Variants in GALNT10 observed in about 807,000 individuals in gnomAD.
The protein encoded by GALNT10 is GalNAc transferase 10.
Under a neutral mutation model 75.0 loss-of-function variants are expected in GALNT10, and 41 were observed. The observed-to-expected ratio is 0.55, with a 90% CI of 0.43 to 0.71. The LOEUF (loss-of-function observed/expected upper bound fraction) is 0.71. Among genes scored for constraint, GALNT10 ranks in the 30% least tolerant of loss-of-function variants. The pLI, the probability that GALNT10 is intolerant of heterozygous loss-of-function variation, is 0.00. For missense variants in GALNT10, 727 were observed against 818.5 expected, an observed-to-expected ratio of 0.89 and a Z score of 1.36; for synonymous variants, 302 against 313.0, an observed-to-expected ratio of 0.96 and a Z score of 0.37.
chr5:154,192,692 T>G (rs2113636675), intron 1 of GALNT10, among the ~76,000 whole-genome samples: 1 of 152,332 alleles, frequency 6.6e-6, no homozygotes. Flanking sequence ...CAGAGTTCCT[T>G]GTAGCATCCC....
chr5:154,415,936 A>T lies in GALNT10; in HGVS notation c.1653+4A>T, dbSNP rs1429677661. The stretch of plus-strand genomic sequence containing the variant: ...CCAGCTGTGGAAATACCGCAAAGTA[A>T]GATGGGATGCGGGGGGAGCAGGGCA... On this transcript the variant is annotated splice_donor_region_variant and intron_variant, in intron 11 of 11. Transcript: ENST00000297107. 3.1e-6 allele frequency: 5 copies of T among 1,613,568 alleles called. No homozygotes were observed. The Admixed American group carries it at 5.0e-5, about 16-fold the overall frequency.
intron 1 of GALNT10, among the ~76,000 whole-genome samples, chr5:154,212,931 G>A (rs1752786135): frequency 6.7e-6 from 1 of 148,272 alleles, no homozygotes; most frequent in African/African-American, 2.5e-5. Context: ...TCGCGCCACT[G>A]CTCTCCAGCC....
intron 4 of GALNT10, among the ~76,000 whole-genome samples, chr5:154,359,671 G>A (rs1755352684): frequency 6.6e-6 from 1 of 151,604 alleles, no homozygotes; most frequent in Non-Finnish European, 1.5e-5. Flanking sequence ...CTTTGACAAG[G>A]GCCATCCTTT....
rs75158802 is a variant in GALNT10 at position 154,370,381 on chromosome 5, A to T, written c.569-5896A>T. ...TCTGAGCTGAGTGCCTTGAAGGATG[A>T]GTTCCAGGCCTTTGCAAGGGGCTGA... On this transcript the variant is annotated intron_variant, in intron 4 of 11. Coordinates refer to ENST00000297107, the MANE Select transcript of GALNT10 (RefSeq NM_198321.4). Among the ~76,000 whole-genome samples, 77 of 152,330 alleles carry T rather than the reference A, an allele frequency of 5.1e-4. 3 individuals carry two copies. In the East Asian group the frequency reaches 0.015, roughly 29 times the overall value.
chr5:154,252,195 T>C (rs1268894924), intron 1 of GALNT10, among the ~76,000 whole-genome samples: 3 of 152,140 alleles, frequency 2.0e-5, no homozygotes, highest in African/African-American at 4.8e-5. Flanking sequence ...GTTTCTATAG[T>C]TGTCCTGTAT....
chr5:154,211,885 G>A (rs967752048), intron 1 of GALNT10, among the ~76,000 whole-genome samples: 2 of 152,144 alleles, frequency 1.3e-5, no homozygotes, highest in Non-Finnish European at 2.9e-5. Context: ...AGAGCAAGCA[G>A]GAAGCCACAG....
intron 1 of GALNT10, among the ~76,000 whole-genome samples, chr5:154,223,784 G>A (rs141552461): frequency 1.0e-3 from 157 of 152,220 alleles, no homozygotes; most frequent in African/African-American, 3.7e-3. Flanking sequence ...ACTGGGCGTG[G>A]TGGTGCAGGC....
Position 154,402,961 on chromosome 5 carries a change from A to T in GALNT10, c.1057-1143A>T, listed in dbSNP as rs1289959605. ...GAGGCATCTACACAGGGGCACAAAT[A>T]CGAGGAGGCAGGGATTGTGAGGCCA... On this transcript the variant is annotated intron_variant, in intron 7 of 11. Transcript: ENST00000297107. This position sits in a 1 kb window ranked among gnomAD's most constrained non-coding sequence, Gnocchi z 4.2. 1.3e-5 allele frequency: 2 copies of T among 152,430 alleles called. No homozygotes were observed. Among genetic ancestry groups the T allele is most frequent in the African/African-American group, 4.8e-5 (2 of 41,462 alleles). 9.4% of individuals were successfully genotyped at this position (152,430 alleles called of 1,614,324 possible). A position where few individuals can be genotyped will look rare whatever the true frequency, so the allele number is the denominator to read the frequency against.
At chr5:154,385,254 G>A (rs914409523) in intron 6 of GALNT10, among the ~76,000 whole-genome samples, 14 of 152,182 alleles carry the variant, frequency 9.2e-5, no homozygotes, top group African/African-American at 3.4e-4. Flanking sequence ...GCCCCTACCA[G>A]GTGCCAGTCT....
chr5:154,406,696 C>T (rs1265904595), intron 8 of GALNT10, among the ~76,000 whole-genome samples: 1 of 152,136 alleles, frequency 6.6e-6, no homozygotes, highest in Admixed American at 6.5e-5. Flanking sequence ...ACTAGGGAGG[C>T]TGAGGCAGGA....
At chr5:154,258,488 T>C (rs1362449471) in intron 1 of GALNT10, among the ~76,000 whole-genome samples, 2 of 152,226 alleles carry the variant, frequency 1.3e-5, no homozygotes, top group East Asian at 3.8e-4. Context: ...AGTTCAAGGC[T>C]GTGTGACTTG....
chr5:154,256,001 G>A (rs1445581084), intron 1 of GALNT10, among the ~76,000 whole-genome samples: 2 of 152,098 alleles, frequency 1.3e-5, no homozygotes, highest in East Asian at 1.9e-4. Flanking sequence ...ACTCTCTTAA[G>A]TAACCATATA....
chr5:154,204,640 C>T lies in GALNT10; in HGVS notation c.159+13615C>T, dbSNP rs149269425. Among the ~76,000 whole-genome samples the T allele has an allele frequency of 4.8e-3, 732 of 152,256 alleles. 12 individuals are homozygous for T. The highest frequency in any genetic ancestry group is 0.017 in the African/African-American group (706 of 41,560). Reference sequence around the variant, plus strand: ...CTTCTGCAGGACCTTTGCATGTGGTCCTGCCTGTAATACTCTTCCCCAAGA... The same window carrying T: ...CTTCTGCAGGACCTTTGCATGTGGTTCTGCCTGTAATACTCTTCCCCAAGA... On this transcript the variant is annotated intron_variant, in intron 1 of 11. Coordinates refer to ENST00000297107, the MANE Select transcript of GALNT10 (RefSeq NM_198321.4).
At chr5:154,348,571 G>A (rs570256695) in intron 4 of GALNT10, among the ~76,000 whole-genome samples, 70 of 152,288 alleles carry the variant, frequency 4.6e-4, no homozygotes, top group Admixed American at 9.8e-4. Flanking sequence ...TTGTGGAGTA[G>A]AACATCCATT....
At chr5:154,284,005 CT>C (rs1272731028) in intron 1 of GALNT10, among the ~76,000 whole-genome samples, 1 of 152,192 alleles carries the variant, frequency 6.6e-6, no homozygotes, top group East Asian at 1.9e-4. Flanking sequence ...GTGATGTCTG[CT>C]TTTACCCTGG....
chr5:154,283,257 A>C (rs1754065163), intron 1 of GALNT10, among the ~76,000 whole-genome samples: 1 of 149,136 alleles, frequency 6.7e-6, no homozygotes, highest in Non-Finnish European at 1.5e-5. Flanking sequence ...CAACCTGGGC[A>C]ACATAATAAG....
chr5:154,229,512 A>G (rs930668638), intron 1 of GALNT10, among the ~76,000 whole-genome samples: 1 of 151,744 alleles, frequency 6.6e-6, no homozygotes, highest in African/African-American at 2.4e-5. Context: ...GTGGATCACG[A>G]GGTCAGGAGA....
intron 2 of GALNT10, 54 bp from the exon 3 acceptor site, chr5:154,297,887 A>G (rs1754304597): frequency 2.6e-6 from 4 of 1,528,880 alleles, no homozygotes; most frequent in South Asian, 2.3e-5. Flanking sequence ...TCCCCACTCC[A>G]TATACAGTAC....
chr5:154,412,965 G>T lies in GALNT10; in HGVS notation c.1463G>T (p.Cys488Phe). ...GGCTCCCCACTAAGGCTAGAGGGCT[G>T]CGTCCGAGGCCGTGGGGAGGCTGCC... ...ALGSPLRLEG[C>F]VRGRGEAAWN... The change falls in exon 10 of 12, where the codon TGC (cysteine) becomes TTC (phenylalanine). Residue 488 changes from cysteine (C) to phenylalanine (F), a missense_variant. By Grantham distance (205) the Cys-to-Phe change is radical (BLOSUM62 -2). Transcript: ENST00000297107. This position sits in a 1 kb window ranked among gnomAD's most constrained non-coding sequence, Gnocchi z 4.2. 1 of 1,613,392 alleles carries T rather than the reference G, an allele frequency of 6.2e-7. No homozygotes were observed. The highest frequency in any genetic ancestry group is 8.5e-7 in the Non-Finnish European group (1 of 1,179,656).
Sources: gnomAD v4.1 joint callset for allele counts (sites outside exome capture counted in the v4.1 genomes callset) on GRCh38, gnomAD v4.1.1 for gene constraint, Gnocchi (gnomAD v3.1) non-coding constraint, MANE v1.5 for transcripts, NCBI Gene and HGNC (gene_info 2026-07-23, HGNC 2026-07-21) for gene names.